The following MREG variants were observed in gnomAD, a reference collection of about 807,000 sequenced individuals.
MREG encodes melanoregulin.
In MREG, 31 loss-of-function variants were observed where a neutral mutation model predicts 28.5. The ratio of observed to expected loss-of-function variants is 1.09; its 90% confidence interval spans 0.82 to 1.47. The LOEUF (loss-of-function observed/expected upper bound fraction) is 1.47, where lower values mean the gene tolerates loss of function less well. MREG is among the 40% of genes most tolerant of loss of function. The probability of loss-of-function intolerance (pLI) is 0.00; values close to 1 mark genes in which losing one functional copy is unlikely to be tolerated. For synonymous variants in MREG, 106 were observed against 95.2 expected (o/e 1.11, Z -0.66); for missense variants, 256 against 257.4 (o/e 0.99, Z 0.04).
chr2:215,971,314 A>C (rs78654742), intron 2 of MREG, among the ~76,000 whole-genome samples: 3,750 of 152,268 alleles, frequency 0.025, 117 homozygotes, highest in African/African-American at 0.085. Flanking sequence ...AATTTAAAAA[A>C]TAAGAATAAA....
In MREG at chr2:215,945,563, C is replaced by T. The variant is rs200235388; in HGVS notation, c.510+8G>A. On this transcript the variant is annotated splice_region_variant and intron_variant, in intron 4 of 4. Transcript: ENST00000263268. ...AATTAGGGCAAATGAAAAAAAGCAT[C>T]CACTTACCACAACAAAGAGATATCT... 1.5e-4 allele frequency: 247 copies of T among 1,604,942 alleles called. No individual in the cohort carries two copies. The highest frequency in any genetic ancestry group is 2.0e-4 in the Non-Finnish European group (238 of 1,176,958).
upstream of MREG, among the ~76,000 whole-genome samples, chr2:216,016,364 G>A (rs1694449530): frequency 6.6e-6 from 1 of 152,142 alleles, no homozygotes; most frequent in African/African-American, 2.4e-5. Flanking sequence ...ATAGAAAGTG[G>A]GTAAAGGAGG....
chr2:216,008,705 G>C (rs1431108554), intron 1 of MREG, among the ~76,000 whole-genome samples: 1 of 152,208 alleles, frequency 6.6e-6, no homozygotes, highest in African/African-American at 2.4e-5. Flanking sequence ...CCCACACAAA[G>C]GACCATTCTA....
At chr2:216,032,150 C>A (rs1317457437) in intron 1 of MREG, among the ~76,000 whole-genome samples, 1 of 152,144 alleles carries the variant, frequency 6.6e-6, no homozygotes, top group East Asian at 1.9e-4. Context: ...TTCTTCAAAT[C>A]CTTGCTATTT....
intron 2 of MREG, among the ~76,000 whole-genome samples, chr2:215,987,297 G>A (rs1409919361): frequency 6.7e-6 from 1 of 150,056 alleles, no homozygotes; most frequent in Non-Finnish European, 1.5e-5. Context: ...CCAGGCCAGA[G>A]TGCAGTGGCG....
intron 2 of MREG, among the ~76,000 whole-genome samples, chr2:215,956,657 G>A (rs915368314): frequency 6.6e-6 from 1 of 152,074 alleles, no homozygotes; most frequent in East Asian, 1.9e-4. Flanking sequence ...TCCTGCTTCA[G>A]CCTCCCGAGT....
At chr2:215,963,564 T>G (rs1692858905) in intron 2 of MREG, among the ~76,000 whole-genome samples, 1 of 152,262 alleles carries the variant, frequency 6.6e-6, no homozygotes, top group African/African-American at 2.4e-5. Flanking sequence ...TTTTACTTTT[T>G]TAATGTGGCT....
At chr2:216,007,335 ACACTCAG>A (rs1694180970) in intron 1 of MREG, among the ~76,000 whole-genome samples, 1 of 152,214 alleles carries the variant, frequency 6.6e-6, no homozygotes, top group African/African-American at 2.4e-5. Flanking sequence ...TCAAAAGGCA[ACACTCAG>A]GCTTCTTGGT....
chr2:216,030,956 T>TCACACACACA (rs1219074422), intron 1 of MREG, among the ~76,000 whole-genome samples: 3 of 113,398 alleles, frequency 2.6e-5, no homozygotes, highest in South Asian at 2.8e-4. Context: ...TCTCTCTCTC[T>TCACACACACA]CACACACACA....
chr2:215,959,249 A>G (rs2105977884), intron 2 of MREG, among the ~76,000 whole-genome samples: 1 of 152,196 alleles, frequency 6.6e-6, no homozygotes, highest in African/African-American at 2.4e-5. Flanking sequence ...CGTCACCTCA[A>G]GCCTTGGCTC....
intron 2 of MREG, among the ~76,000 whole-genome samples, chr2:215,949,068 ACTAC>A (rs1692400127): frequency 5.0e-5 from 7 of 140,624 alleles, no homozygotes; most frequent in Admixed American, 1.5e-4. Flanking sequence ...TACTACTACT[ACTAC>A]TACTACTACT....
At chr2:215,971,816 T>C (rs1317123234) in intron 2 of MREG, among the ~76,000 whole-genome samples, 1 of 152,094 alleles carries the variant, frequency 6.6e-6, no homozygotes, top group Non-Finnish European at 1.5e-5. Context: ...CTTTCAAAAC[T>C]AGGGCAGAGG....
intron 1 of MREG, among the ~76,000 whole-genome samples, chr2:216,002,730 A>T (rs1213548741): frequency 6.6e-6 from 1 of 151,890 alleles, no homozygotes; most frequent in Non-Finnish European, 1.5e-5. Flanking sequence ...TGAACCTAAG[A>T]TCTTCTCCCT....
intron 2 of MREG, among the ~76,000 whole-genome samples, chr2:215,960,199 C>T (rs1202057451): frequency 2.6e-5 from 4 of 152,166 alleles, no homozygotes; most frequent in Non-Finnish European, 5.9e-5. Flanking sequence ...TCACGATCCG[C>T]CCGCCTTGGC....
At chr2:215,975,387 T>C (rs1462724246) in intron 2 of MREG, among the ~76,000 whole-genome samples, 1 of 152,196 alleles carries the variant, frequency 6.6e-6, no homozygotes, top group Non-Finnish European at 1.5e-5. Flanking sequence ...AGTGTGAGAA[T>C]GGTGCCCACT....
chr2:215,973,010 AAT>A (rs944928825), intron 2 of MREG, among the ~76,000 whole-genome samples: 1 of 152,132 alleles, frequency 6.6e-6, no homozygotes, highest in African/African-American at 2.4e-5. Context: ...GGGAGAAAAA[AAT>A]ATGAGTGTTG....
intron 3 of MREG, 95 bp from the exon 4 acceptor site, chr2:215,945,829 G>T: frequency 9.5e-7 from 1 of 1,057,670 alleles, no homozygotes; most frequent in South Asian, 1.7e-5. Context: ...ACAGACCCAT[G>T]TGGATTCTGT....
intron 1 of MREG, among the ~76,000 whole-genome samples, chr2:215,999,771 T>C (rs1331634554): frequency 6.6e-6 from 1 of 152,132 alleles, no homozygotes; most frequent in Non-Finnish European, 1.5e-5. Flanking sequence ...AGGTGACGCC[T>C]TCAACTGTAA....
At chr2:215,965,438 T>A (rs747506) in intron 2 of MREG, among the ~76,000 whole-genome samples, 4,438 of 152,156 alleles carry the variant, frequency 0.029, 101 homozygotes, top group Non-Finnish European at 0.045. Flanking sequence ...GGTCATCTTG[T>A]GGGATAGGGG....
Sources: allele counts gnomAD v4.1 joint callset (sites outside exome capture counted in the v4.1 genomes callset), GRCh38; gene constraint gnomAD v4.1.1; transcripts MANE v1.5; gene names NCBI Gene and HGNC (gene_info 2026-07-23, HGNC 2026-07-21).